The following SULT6B1 variants were observed in gnomAD, a reference collection of about 807,000 sequenced individuals.
SULT6B1 encodes the protein sulfotransferase family 6B member 1.
A neutral mutation model predicts 37.2 loss-of-function variants in SULT6B1; 44 were observed. The observed-to-expected ratio is 1.18, with a 90% CI of 0.93 to 1.52. The LOEUF (loss-of-function observed/expected upper bound fraction) is 1.52. Among genes scored for constraint, SULT6B1 ranks in the 40% most tolerant of loss-of-function variants. The probability of loss-of-function intolerance (pLI) is 0.00; values close to 1 mark genes in which losing one functional copy is unlikely to be tolerated. For synonymous variants in SULT6B1, 140 were observed against 126.0 expected, an observed-to-expected ratio of 1.11 and a Z score of -0.74; for missense variants, 450 against 361.0, an observed-to-expected ratio of 1.25 and a Z score of -2.00.
Position 37,187,406 on chromosome 2 carries a change from A to G in SULT6B1, c.261T>C (p.Tyr87=), listed in dbSNP as rs764619217. The G allele has an allele frequency of 3.1e-6, 5 of 1,609,298 alleles. No individual in the cohort carries two copies. The highest frequency in any genetic ancestry group is 4.2e-6 in the Non-Finnish European group (5 of 1,176,684). The change falls in exon 2 of 7, where the codon TAT becomes TAC. Residue 87 remains tyrosine (Y), a synonymous_variant. Coordinates refer to ENST00000535679, the MANE Select transcript of SULT6B1 (RefSeq NM_001367551.1). ...CAAGAACTGGGAATTCTGGATATTT[A>G]TACTTTTTTTTAGAAACAGCATATA... ...ELIYAVSKKK[Y]KYPEFPVLEC...
At chr2:37,195,705 C>T (rs946896147) in intron 1 of SULT6B1, among the ~76,000 whole-genome samples, 8 of 152,314 alleles carry the variant, frequency 5.3e-5, no homozygotes, top group Non-Finnish European at 2.9e-5. Context: ...CTTCAATATA[C>T]TTTTATATTC....
At chr2:37,190,939 T>A (rs1676768188), upstream of SULT6B1, among the ~76,000 whole-genome samples, 2 of 152,052 alleles carry the variant, frequency 1.3e-5, no homozygotes, top group African/African-American at 4.8e-5. Flanking sequence ...GCTTCTGGAA[T>A]TTTTTAACCA....
intron 4 of SULT6B1, among the ~76,000 whole-genome samples, chr2:37,175,908 A>G (rs1676416117): frequency 6.6e-6 from 1 of 152,244 alleles, no homozygotes; most frequent in Admixed American, 6.5e-5. Flanking sequence ...CACATACGCA[A>G]CTTATTACAC....
intron 4 of SULT6B1, 34 bp downstream of exon 4, chr2:37,179,424 C>G: frequency 6.2e-7 from 1 of 1,610,562 alleles, no homozygotes; most frequent in Non-Finnish European, 8.5e-7. Flanking sequence ...GTCATCTGAT[C>G]AAGTAAGAAT....
At chr2:37,177,516 G>A (rs1221298819) in intron 4 of SULT6B1, among the ~76,000 whole-genome samples, 8 of 151,686 alleles carry the variant, frequency 5.3e-5, no homozygotes, top group Admixed American at 5.3e-4. Flanking sequence ...ATAATAGAGA[G>A]TAGGATGGTG....
At chr2:37,188,675 G>T (rs371674997), upstream of SULT6B1, 7 of 756,828 alleles carry the variant, frequency 9.2e-6, no homozygotes, top group African/African-American at 7.0e-5. Flanking sequence ...CTCTGTGGCT[G>T]TTCAGGGGGA....
At chr2:37,192,951 C>T (rs1019119586), upstream of SULT6B1, among the ~76,000 whole-genome samples, 1 of 152,090 alleles carries the variant, frequency 6.6e-6, no homozygotes, top group African/African-American at 2.4e-5. Context: ...GGATACCAGC[C>T]GTGAATAATT....
At position 37,167,983 on chromosome 2, in the gene SULT6B1, G is replaced by C; in HGVS notation, c.864C>G (p.Gly288=). ...MDEKFKECLA[G]TSLGAKLKYE... ...ACTTCAACTTTGCTCCGAGGGAGGT[G>C]CCTGCTAAGCACTCTTTGAATTTTT... The change falls in exon 7 of 7, where the codon GGC becomes GGG. Residue 288 remains glycine (G), a synonymous_variant. Coordinates refer to ENST00000535679, the MANE Select transcript of SULT6B1 (RefSeq NM_001367551.1). The C allele has an allele frequency of 6.3e-7, 1 of 1,599,680 alleles. No individual in the cohort carries two copies.
intron 4 of SULT6B1, among the ~76,000 whole-genome samples, chr2:37,177,727 AC>A (rs1288543281): frequency 6.6e-6 from 1 of 152,214 alleles, no homozygotes; most frequent in Non-Finnish European, 1.5e-5. Flanking sequence ...CTTACTAAAC[AC>A]AAAACAGGTA....
At chr2:37,179,652 A>G in intron 3 of SULT6B1, 68 bp from the exon 4 acceptor site, 1 of 1,401,582 alleles carries the variant, frequency 7.1e-7, no homozygotes, top group Non-Finnish European at 1.0e-6. Flanking sequence ...TAAAAGGGTG[A>G]GCAATATCAT....
chr2:37,186,828 C>T (rs1400481407), intron 2 of SULT6B1, among the ~76,000 whole-genome samples: 3 of 151,926 alleles, frequency 2.0e-5, no homozygotes, highest in Non-Finnish European at 4.4e-5. Context: ...CCCAGGAGGT[C>T]GAGGCTGCAG....
chr2:37,194,440 AT>A, intron 1 of SULT6B1: 2 of 433,786 alleles, frequency 4.6e-6, no homozygotes, highest in South Asian at 1.8e-5. Context: ...TACAGAGCTT[AT>A]TTGGTGAATC....
chr2:37,169,944 C>T (rs1162968182), intron 6 of SULT6B1, among the ~76,000 whole-genome samples: 1 of 152,196 alleles, frequency 6.6e-6, no homozygotes. Context: ...AAAAATAACA[C>T]TGGCAATCCT....
At position 37,188,446 on chromosome 2, in the gene SULT6B1, C is replaced by A. The variant is rs765435787; in HGVS notation, c.195G>T (p.Lys65Asn). 6.2e-7 allele frequency: 1 copy of A among 1,612,800 alleles called. No individual in the cohort carries two copies. Among genetic ancestry groups the A allele is most frequent in the East Asian group, 2.2e-5 (1 of 44,878 alleles). ...HDDIVLASYP[K>N]CGSNWILHIV... ...AGGAAACGACTTGTCATTTACCGCACTTTGGATAAGATGCTAGCACGATGT... is the reference window on the plus strand; with the variant it reads ...AGGAAACGACTTGTCATTTACCGCAATTTGGATAAGATGCTAGCACGATGT... The change falls in exon 1 of 7, where the codon AAG becomes AAT. Residue 65 changes from lysine to asparagine, a missense_variant. Coordinates refer to ENST00000535679, the MANE Select transcript of SULT6B1 (RefSeq NM_001367551.1).
chr2:37,182,402 T>G (rs1275725831), intron 3 of SULT6B1, among the ~76,000 whole-genome samples: 2 of 152,094 alleles, frequency 1.3e-5, no homozygotes, highest in Non-Finnish European at 2.9e-5. Context: ...TACAGGCACG[T>G]GCTATCACAC....
At chr2:37,184,123 C>G (rs1676619602) in intron 2 of SULT6B1, among the ~76,000 whole-genome samples, 1 of 152,144 alleles carries the variant, frequency 6.6e-6, no homozygotes, top group Non-Finnish European at 1.5e-5. Flanking sequence ...CCATTTTGTT[C>G]AAGAGAACTC....
At chr2:37,184,216 A>T (rs1454884890) in intron 2 of SULT6B1, among the ~76,000 whole-genome samples, 1 of 152,224 alleles carries the variant, frequency 6.6e-6, no homozygotes, top group African/African-American at 2.4e-5. Context: ...GTCTTTCCAC[A>T]GTTCCTGCGA....
chr2:37,190,710 G>A (rs933309665), upstream of SULT6B1, among the ~76,000 whole-genome samples: 8 of 152,126 alleles, frequency 5.3e-5, no homozygotes, highest in Middle Eastern at 3.2e-3. Flanking sequence ...TGACCATAGC[G>A]TTTTTAAGGG....
chr2:37,188,296 G>C lies in SULT6B1; in HGVS notation c.199+146C>G, dbSNP rs530436233. The C allele has an allele frequency of 1.3e-5, 8 of 611,698 alleles. No homozygotes were observed. In the Admixed American group the frequency reaches 1.5e-4, roughly 12 times the overall value. 37.9% of individuals were successfully genotyped at this position (611,698 alleles called of 1,614,324 possible). ...TCTATTTACTGATTTTACAACCTAC[G>C]TACTTAACCACTGTGGCCCTCCTCC... On this transcript the variant is annotated intron_variant, in intron 1 of 6. Coordinates refer to ENST00000535679, the MANE Select transcript of SULT6B1 (RefSeq NM_001367551.1).
Sources: allele counts gnomAD v4.1 joint callset (sites outside exome capture counted in the v4.1 genomes callset), GRCh38; gene constraint gnomAD v4.1.1; transcripts MANE v1.5; gene names NCBI Gene and HGNC (gene_info 2026-07-23, HGNC 2026-07-21).